The following FBXO16 variants were observed in gnomAD, a reference collection of about 807,000 sequenced individuals.
FBXO16 encodes F-box only protein 16.
Under a neutral mutation model 41.0 loss-of-function variants are expected in FBXO16, and 31 were observed. The observed-to-expected ratio is 0.76, with a 90% CI of 0.57 to 1.02. The LOEUF (loss-of-function observed/expected upper bound fraction) is 1.02, where lower values mean the gene tolerates loss of function less well. Among genes scored for constraint, FBXO16 ranks in the 50% least tolerant of loss-of-function variants. The pLI, the probability that FBXO16 is intolerant of heterozygous loss-of-function variation, is 0.00. For synonymous variants in FBXO16, 133 were observed against 117.8 expected, an observed-to-expected ratio of 1.13 and a Z score of -0.84; for missense variants, 361 against 346.2, an observed-to-expected ratio of 1.04 and a Z score of -0.34.
chr8:28,460,863 T>C, intron 4 of FBXO16, among the ~76,000 whole-genome samples: 1 of 152,022 alleles, frequency 6.6e-6, no homozygotes, highest in East Asian at 1.9e-4. Flanking sequence ...GCCTCCCGAG[T>C]AGTTGGGACT....
At chr8:28,437,231 C>G (rs1157002428) in intron 7 of FBXO16, among the ~76,000 whole-genome samples, 1 of 152,142 alleles carries the variant, frequency 6.6e-6, no homozygotes, top group Non-Finnish European at 1.5e-5. Flanking sequence ...AGCCATTTGG[C>G]ATTGGTCTAA....
intron 3 of FBXO16, among the ~76,000 whole-genome samples, chr8:28,471,993 A>G (rs940330658): frequency 4.0e-5 from 6 of 151,510 alleles, no homozygotes; most frequent in African/African-American, 1.5e-4. Context: ...TGGAAGTGTC[A>G]GGATCTATAG....
intron 3 of FBXO16, among the ~76,000 whole-genome samples, chr8:28,467,730 G>A (rs1224040915): frequency 3.3e-5 from 5 of 152,132 alleles, no homozygotes; most frequent in African/African-American, 4.8e-5. Flanking sequence ...GATTTAACAC[G>A]AATATAAAAG....
At position 28,429,360 on chromosome 8, in the gene FBXO16, A is replaced by G. The variant is rs1802573496; in HGVS notation, c.869+18T>C. The G allele has an allele frequency of 1.9e-6, 3 of 1,613,762 alleles. No individual in the cohort carries two copies. In the East Asian group the frequency reaches 6.7e-5, roughly 36 times the overall value. On this transcript the variant is annotated intron_variant, in intron 8 of 8. Transcript: ENST00000380254. ...AAAAAGGCAAATGTCACAGGTTGAT[A>G]TCACAACCGAAACTCACAGTGGGAA...
intron 1 of FBXO16, among the ~76,000 whole-genome samples, chr8:28,489,796 C>T (rs1803662271): frequency 6.6e-6 from 1 of 151,904 alleles, no homozygotes; most frequent in South Asian, 2.1e-4. Context: ...GGGTTATATG[C>T]AGAGTTTACT....
intron 3 of FBXO16, among the ~76,000 whole-genome samples, chr8:28,464,762 T>A (rs1803206030): frequency 6.6e-6 from 1 of 152,194 alleles, no homozygotes; most frequent in South Asian, 2.1e-4. Context: ...CAAGTGATTC[T>A]CCTGCCTCAG....
chr8:28,463,086 T>TG (rs1803163045), intron 4 of FBXO16, among the ~76,000 whole-genome samples: 1 of 152,232 alleles, frequency 6.6e-6, no homozygotes, highest in South Asian at 2.1e-4. Context: ...ATGGTGGAGG[T>TG]TAATCCAAAT....
intron 6 of FBXO16, among the ~76,000 whole-genome samples, chr8:28,451,278 T>A (rs1224652925): frequency 1.3e-5 from 2 of 152,320 alleles, no homozygotes; most frequent in East Asian, 3.9e-4. Flanking sequence ...AGGATGTTTT[T>A]AGGTTTGAAA....
At chr8:28,440,724 A>C (rs1027576333) in intron 7 of FBXO16, among the ~76,000 whole-genome samples, 1 of 152,200 alleles carries the variant, frequency 6.6e-6, no homozygotes, top group African/African-American at 2.4e-5. Context: ...GGCTAATCTA[A>C]GGCAATCAGG....
At chr8:28,455,278 C>T (rs1803021932) in intron 5 of FBXO16, among the ~76,000 whole-genome samples, 1 of 151,248 alleles carries the variant, frequency 6.6e-6, no homozygotes, top group Admixed American at 6.6e-5. Flanking sequence ...ATTGCTCTGT[C>T]ACCCAGGCTG....
chr8:28,456,860 C>G lies in FBXO16; in HGVS notation c.413G>C (p.Trp138Ser), dbSNP rs762040354. The change falls in exon 5 of 9, where the codon TGG becomes TCG. Residue 138 changes from tryptophan (W) to serine (S), a missense_variant. By Grantham distance (177) the Trp-to-Ser change is radical. Coordinates refer to ENST00000380254, the MANE Select transcript of FBXO16 (RefSeq NM_172366.4). Reference protein sequence around the residue: ...LWMLKCLRFNWYINFSPTPFE... With the variant: ...LWMLKCLRFNSYINFSPTPFE... ...GGGAGTTGGAGAGAAATTGATGTACCAGTTAAACCGTAAACATTTCAGCAT... is the reference window on the plus strand; with the variant it reads ...GGGAGTTGGAGAGAAATTGATGTACGAGTTAAACCGTAAACATTTCAGCAT... The G allele has an allele frequency of 1.2e-6, 2 of 1,614,130 alleles. No homozygotes were observed. Among genetic ancestry groups the G allele is most frequent in the East Asian group, 4.5e-5 (2 of 44,878 alleles).
rs918796640 is a variant in FBXO16, at chr8:28,452,144, G to C, written c.740+100C>G. ...TGCTTCTATGTACTGAAAAGCTTTT[G>C]TATTTCACAGTAAGTTCTATTTCCA... On this transcript the variant is annotated intron_variant, in intron 6 of 8. Coordinates refer to ENST00000380254, the MANE Select transcript of FBXO16 (RefSeq NM_172366.4). 5 of 1,159,120 alleles carry C rather than the reference G, an allele frequency of 4.3e-6. No individual in the cohort carries two copies. The East Asian group carries it at 1.0e-4, about 23-fold the overall frequency. 71.8% of individuals were successfully genotyped at this position (1,159,120 alleles called of 1,614,324 possible). A position where few individuals can be genotyped will look rare whatever the true frequency, so the allele number is the denominator to read the frequency against.
intron 4 of FBXO16, among the ~76,000 whole-genome samples, chr8:28,461,046 A>T (rs1803125874): frequency 1.4e-5 from 2 of 145,034 alleles, no homozygotes; most frequent in Admixed American, 1.4e-4. Flanking sequence ...TATATTCTTT[A>T]TTCTTTATAA....
At chr8:28,486,597 G>C (rs1585925423) in intron 1 of FBXO16, among the ~76,000 whole-genome samples, 1 of 151,946 alleles carries the variant, frequency 6.6e-6, no homozygotes, top group African/African-American at 2.4e-5. Flanking sequence ...GAAGCAGAAA[G>C]ACTGCTTGAG....
intron 7 of FBXO16, among the ~76,000 whole-genome samples, chr8:28,433,073 AC>A (rs1347074461): frequency 0.024 from 3,423 of 140,568 alleles, 112 homozygotes; most frequent in African/African-American, 0.091. Context: ...AAAAAAAAAA[AC>A]AAACAAAAAA....
In FBXO16 at chr8:28,452,371, A is replaced by T; in HGVS notation, c.613T>A (p.Leu205Ile). Residue 205 changes from leucine to isoleucine, a missense_variant, in exon 6 of 9, where the codon TTA (leucine) becomes ATA (isoleucine). Physicochemically the swap from Leu to Ile is conservative, Grantham distance 5 (BLOSUM62 2). Coordinates refer to ENST00000380254, the MANE Select transcript of FBXO16 (RefSeq NM_172366.4). ...PLSAFRSSSS[L>I]RKKNNSGEKA... Reference sequence around the variant, plus strand: ...TCCCCTGAGTTATTCTTCTTTCTTAAAGAGGAAGAGGACCGAAAAGCTGAT... The same window carrying T: ...TCCCCTGAGTTATTCTTCTTTCTTATAGAGGAAGAGGACCGAAAAGCTGAT... The T allele has an allele frequency of 6.2e-7, 1 of 1,614,188 alleles. No homozygotes were observed. The highest frequency in any genetic ancestry group is 8.5e-7 in the Non-Finnish European group (1 of 1,180,050).
intron 7 of FBXO16, among the ~76,000 whole-genome samples, chr8:28,443,403 G>A (rs1393398222): frequency 2.0e-5 from 3 of 152,016 alleles, no homozygotes; most frequent in Non-Finnish European, 4.4e-5. Context: ...CTGATATTAG[G>A]CGTGAGGAAT....
chr8:28,467,403 G>A (rs1046652488), intron 3 of FBXO16, among the ~76,000 whole-genome samples: 7 of 151,972 alleles, frequency 4.6e-5, no homozygotes, highest in Non-Finnish European at 7.4e-5. Context: ...TGTCAGCCTC[G>A]ATTTCCTCAT....
Position 28,447,048 on chromosome 8 carries a change from C to T in FBXO16, c.843+123G>A, listed in dbSNP as rs572583569. The T allele has an allele frequency of 7.6e-5, 65 of 855,698 alleles. 1 individual carries two copies. In the South Asian group the frequency reaches 1.1e-3, roughly 15 times the overall value. 53.0% of individuals were successfully genotyped at this position (855,698 alleles called of 1,614,324 possible). Reference sequence around the variant, plus strand: ...TCTCTGCCAGTCAGTGTCAGAAACCCGAATTTAAATCACCACTCCATGATT... The same window carrying T: ...TCTCTGCCAGTCAGTGTCAGAAACCTGAATTTAAATCACCACTCCATGATT... On this transcript the variant is annotated intron_variant, in intron 7 of 8. Coordinates refer to ENST00000380254, the MANE Select transcript of FBXO16 (RefSeq NM_172366.4).
Sources: gnomAD v4.1 joint callset for allele counts (sites outside exome capture counted in the v4.1 genomes callset) on GRCh38, gnomAD v4.1.1 for gene constraint, MANE v1.5 for transcripts, NCBI Gene and HGNC (gene_info 2026-07-23, HGNC 2026-07-21) for gene names.